The following ADGRB3 variants were observed in gnomAD, a reference collection of about 807,000 sequenced individuals.
ADGRB3 encodes the protein brain-specific angiogenesis inhibitor 3.
In ADGRB3, 37 loss-of-function variants were observed where a neutral mutation model predicts 193.4. The ratio of observed to expected loss-of-function variants is 0.19; its 90% CI spans 0.15 to 0.25. The LOEUF is 0.25. Among genes scored for constraint, ADGRB3 ranks in the 10% least tolerant of loss-of-function variants. The pLI is 1.00. For missense variants in ADGRB3, 1,637 were observed against 1,852.9 expected (o/e 0.88, Z 2.14); for synonymous variants, 690 against 644.2 (o/e 1.07, Z -1.08).
At chr6:68,691,080 TTTG>T (rs1483118900) in intron 3 of ADGRB3, among the ~76,000 whole-genome samples, 1 of 152,122 alleles carries the variant, frequency 6.6e-6, no homozygotes, top group Non-Finnish European at 1.5e-5. Flanking sequence ...TGTTTCATTT[TTTG>T]TTACTTCAGG....
At chr6:68,856,227 G>A (rs1260195960) in intron 3 of ADGRB3, among the ~76,000 whole-genome samples, 11 of 152,194 alleles carry the variant, frequency 7.2e-5, no homozygotes, top group South Asian at 4.1e-4. Flanking sequence ...GTGTGAAAAC[G>A]GACTAATACA....
At chr6:69,208,718 G>A (rs1471441617) in intron 17 of ADGRB3, among the ~76,000 whole-genome samples, 1 of 152,228 alleles carries the variant, frequency 6.6e-6, no homozygotes, top group African/African-American at 2.4e-5. Context: ...CAGGGTGGCA[G>A]GAGTGGAGAC....
At chr6:68,821,678 C>A (rs1416980745) in intron 3 of ADGRB3, among the ~76,000 whole-genome samples, 2 of 151,244 alleles carry the variant, frequency 1.3e-5, no homozygotes, top group Non-Finnish European at 3.0e-5. Flanking sequence ...TCATATAAAT[C>A]TGAAGGGCTT....
At chr6:69,111,031 T>C (rs979830791) in intron 17 of ADGRB3, among the ~76,000 whole-genome samples, 1 of 152,236 alleles carries the variant, frequency 6.6e-6, no homozygotes, top group African/African-American at 2.4e-5. Flanking sequence ...AATAATATTG[T>C]GGTAAAAATA....
intron 10 of ADGRB3, among the ~76,000 whole-genome samples, chr6:68,977,342 T>C (rs1768780698): frequency 6.6e-6 from 1 of 152,100 alleles, no homozygotes; most frequent in South Asian, 2.1e-4. Flanking sequence ...TTTGTTTAAT[T>C]ATATCCATAT....
chr6:68,773,339 G>A (rs1415536697), intron 3 of ADGRB3, among the ~76,000 whole-genome samples: 1 of 152,002 alleles, frequency 6.6e-6, no homozygotes, highest in Non-Finnish European at 1.5e-5. Context: ...CTTCTACCCT[G>A]TACTATGTGC....
Position 69,233,349 on chromosome 6 carries a change from C to G in ADGRB3, c.2540C>G (p.Ser847Cys). The G allele has an allele frequency of 1.2e-6, 2 of 1,614,076 alleles. No individual in the cohort carries two copies. Among genetic ancestry groups the G allele is most frequent in the Non-Finnish European group, 1.7e-6 (2 of 1,179,992 alleles). Residue 847 changes from serine (S) to cysteine (C), a missense_variant, in exon 18 of 32, where the codon TCC becomes TGC. Physicochemically the swap from Ser to Cys is moderately radical, Grantham distance 112 (BLOSUM62 -1). This residue lies in a region of ADGRB3 where 641 missense variants were observed against 673.9 expected (regional missense o/e 0.95). Transcript: ENST00000370598. ...TGTAAAACTGTGCTTACCGATGCAT[C>G]CCATACGAAATGCTTATGTGATCGT... The part of the protein sequence containing the change: ...QGCKTVLTDA[S>C]HTKCLCDRLS...
At chr6:69,192,024 A>G (rs1942838371) in intron 17 of ADGRB3, among the ~76,000 whole-genome samples, 1 of 152,112 alleles carries the variant, frequency 6.6e-6, no homozygotes, top group Non-Finnish European at 1.5e-5. Flanking sequence ...CTTAATCTTT[A>G]TCTGTGTGAA....
chr6:69,183,363 T>C (rs1764984056), intron 17 of ADGRB3, among the ~76,000 whole-genome samples: 1 of 152,120 alleles, frequency 6.6e-6, no homozygotes, highest in African/African-American at 2.4e-5. Flanking sequence ...CCTTTTGTTA[T>C]AAGTGCCTCT....
At chr6:68,946,665 C>A (rs1472241274) in intron 6 of ADGRB3, among the ~76,000 whole-genome samples, 1 of 152,046 alleles carries the variant, frequency 6.6e-6, no homozygotes, top group Non-Finnish European at 1.5e-5. Flanking sequence ...ACAGAAGAAA[C>A]ATGTAAAACC....
chr6:69,255,349 C>T (rs1766736380), intron 20 of ADGRB3, among the ~76,000 whole-genome samples: 1 of 152,136 alleles, frequency 6.6e-6, no homozygotes, highest in Non-Finnish European at 1.5e-5. Context: ...TCCTATTTCT[C>T]CACATCCTCT....
chr6:68,656,262 A>G (rs1381579046), intron 3 of ADGRB3, among the ~76,000 whole-genome samples: 2 of 151,562 alleles, frequency 1.3e-5, no homozygotes, highest in Non-Finnish European at 3.0e-5. Flanking sequence ...GTGACGTTAG[A>G]CTTTTAACTC....
At chr6:69,103,088 T>C (rs1432039923) in intron 17 of ADGRB3, among the ~76,000 whole-genome samples, 2 of 152,202 alleles carry the variant, frequency 1.3e-5, no homozygotes, top group Admixed American at 1.3e-4. Context: ...AGTTTCAAAG[T>C]GTTCAAATGT....
intron 13 of ADGRB3, among the ~76,000 whole-genome samples, chr6:69,046,471 C>A (rs556747532): frequency 1.0e-3 from 156 of 152,206 alleles, no homozygotes; most frequent in Non-Finnish European, 1.8e-3. Flanking sequence ...TTATGGACAG[C>A]AAAAAGTATA....
chr6:69,227,437 C>G (rs6937106), intron 17 of ADGRB3, among the ~76,000 whole-genome samples: 1 of 152,048 alleles, frequency 6.6e-6, no homozygotes, highest in African/African-American at 2.4e-5. Context: ...ACATAATTGT[C>G]GACAGGATCT....
intron 31 of ADGRB3, among the ~76,000 whole-genome samples, chr6:69,384,764 A>G (rs1770026466): frequency 6.6e-6 from 1 of 152,026 alleles, no homozygotes; most frequent in African/African-American, 2.4e-5. Context: ...CTTGACTGTC[A>G]TCCTAAATAT....
chr6:69,064,589 A>G (rs559753861), intron 16 of ADGRB3, among the ~76,000 whole-genome samples: 2 of 152,010 alleles, frequency 1.3e-5, no homozygotes, highest in Admixed American at 1.3e-4. Context: ...TTTTTACAAA[A>G]ATATATGTTT....
At chr6:69,280,864 T>C (rs1767420437) in intron 20 of ADGRB3, among the ~76,000 whole-genome samples, 6 of 152,066 alleles carry the variant, frequency 3.9e-5, no homozygotes, top group Admixed American at 3.3e-4. Context: ...TATATATATA[T>C]ATGTAAGGAA....
At chr6:69,169,287 T>C (rs1256380864) in intron 17 of ADGRB3, among the ~76,000 whole-genome samples, 1 of 152,052 alleles carries the variant, frequency 6.6e-6, no homozygotes, top group African/African-American at 2.4e-5. Context: ...AGCCCACATC[T>C]AGCAAGTATA....
Sources: gnomAD v4.1 joint callset for allele counts (sites outside exome capture counted in the v4.1 genomes callset) on GRCh38, gnomAD v4.1.1 for gene constraint, gnomAD v4.1.1 regional missense constraint, MANE v1.5 for transcripts, NCBI Gene and HGNC (gene_info 2026-07-23, HGNC 2026-07-21) for gene names.